The following CALCRL variants were observed in gnomAD, a reference collection of about 807,000 sequenced individuals.
The protein encoded by CALCRL is calcitonin gene-related peptide type 1 receptor.
Under a neutral mutation model 60.4 loss-of-function variants are expected in CALCRL, and 27 were observed. That is an observed-to-expected ratio of 0.45 (90% confidence interval 0.33 to 0.62). The LOEUF is 0.62. CALCRL is among the 20% of genes least tolerant of loss of function. CALCRL has a pLI of 0.03. For synonymous variants in CALCRL, 190 were observed against 182.6 expected, an observed-to-expected ratio of 1.04 and a Z score of -0.33; for missense variants, 424 against 540.7, an observed-to-expected ratio of 0.78 and a Z score of 2.14.
In CALCRL at chr2:187,419,202, C is replaced by G. The variant is rs537130603; in HGVS notation, c.-293+28837G>C. Among the ~76,000 whole-genome samples, 13 of 151,828 alleles carry G rather than the reference C, an allele frequency of 8.6e-5. No individual in the cohort carries two copies. In the South Asian group the frequency reaches 2.7e-3, roughly 32 times the overall value. ...CTATGGACTAAATTGTGTCTGCCCC[C>G]AAATTATATATTTAAGTTCTAACCC... On this transcript the variant is annotated intron_variant, in intron 1 of 14. Coordinates refer to ENST00000392370, the MANE Select transcript of CALCRL (RefSeq NM_005795.6).
intron 1 of CALCRL, among the ~76,000 whole-genome samples, chr2:187,393,180 A>C (rs1179710954): frequency 6.6e-6 from 1 of 151,970 alleles, no homozygotes; most frequent in Non-Finnish European, 1.5e-5. Flanking sequence ...CACCCCCAAA[A>C]CTTGGTGAAA....
intron 8 of CALCRL, among the ~76,000 whole-genome samples, chr2:187,374,945 TC>T (rs1687684385): frequency 6.6e-6 from 1 of 152,114 alleles, no homozygotes; most frequent in African/African-American, 2.4e-5. Context: ...TTGGAATACA[TC>T]CCATGTCTTA....
chr2:187,424,143 A>T (rs533795444), intron 1 of CALCRL, among the ~76,000 whole-genome samples: 2 of 152,060 alleles, frequency 1.3e-5, no homozygotes, highest in East Asian at 3.9e-4. Context: ...CCTAAAAAAA[A>T]TAAGAATGGT....
rs566846647 is a variant in CALCRL, at chr2:187,437,426, C to T, written c.-293+10613G>A. On this transcript the variant is annotated intron_variant, in intron 1 of 14. Transcript: ENST00000392370. ...GCGTGATGGCGGCATATAGTAGAGA[C>T]GGGGTTTCTTTCAAGGCTTTTATTT... is the stretch of plus-strand genomic sequence containing the variant. Among the ~76,000 whole-genome samples, 94 of 152,084 alleles carry T rather than the reference C, an allele frequency of 6.2e-4. No homozygotes were observed. The Middle Eastern group carries it at 0.01, about 17-fold the overall frequency.
intron 8 of CALCRL, 47 bp downstream of exon 8, chr2:187,378,893 A>G (rs3771085): frequency 0.041 from 44,864 of 1,084,482 alleles, 1,919 homozygotes; most frequent in East Asian, 0.18. Flanking sequence ...TGGGGCATTC[A>G]CCCAAGACAT....
In CALCRL at chr2:187,379,050, A is replaced by C; in HGVS notation, c.409-19T>G. On this transcript the variant is annotated intron_variant, in intron 7 of 14. Transcript: ENST00000392370. Reference sequence around the variant, plus strand: ...GTGCAGTCTGTAATTTGTATAAACAAAAAAATTTGGTTCATATCAATACTA... The same window carrying C: ...GTGCAGTCTGTAATTTGTATAAACACAAAAATTTGGTTCATATCAATACTA... 6.7e-7 allele frequency: 1 copy of C among 1,488,940 alleles called. No individual in the cohort carries two copies. The highest frequency in any genetic ancestry group is 9.3e-7 in the Non-Finnish European group (1 of 1,071,526). The allele number at this position is 1,488,940 out of a possible 1,614,324, so 92.2% of individuals were successfully genotyped here.
chr2:187,431,420 G>A (rs1181029883), intron 1 of CALCRL: 1 of 154,730 alleles, frequency 6.5e-6, no homozygotes, highest in Non-Finnish European at 1.5e-5. Flanking sequence ...TGGATGGTGG[G>A]ATTTCTCAGA....
chr2:187,378,840 A>G (rs1000294368), intron 8 of CALCRL, 100 bp downstream of exon 8: 15 of 658,226 alleles, frequency 2.3e-5, no homozygotes, highest in Non-Finnish European at 3.5e-5. Flanking sequence ...TAAATCATCT[A>G]TATTGGTATA....
intron 8 of CALCRL, among the ~76,000 whole-genome samples, chr2:187,369,784 A>C (rs987468480): frequency 6.6e-6 from 1 of 152,224 alleles, no homozygotes; most frequent in Non-Finnish European, 1.5e-5. Context: ...TAAGGGATAC[A>C]AAAAGAATGT....
At chr2:187,427,978 G>C (rs899764615) in intron 1 of CALCRL, among the ~76,000 whole-genome samples, 6 of 151,924 alleles carry the variant, frequency 3.9e-5, no homozygotes, top group African/African-American at 1.5e-4. Context: ...GAAGTCTACT[G>C]TCTGTGTGAG....
At chr2:187,357,049 T>G (rs540110002) in intron 12 of CALCRL, among the ~76,000 whole-genome samples, 7 of 152,248 alleles carry the variant, frequency 4.6e-5, no homozygotes, top group African/African-American at 1.7e-4. Flanking sequence ...TTTTACAATG[T>G]TGGTGGGAGT....
intron 1 of CALCRL, among the ~76,000 whole-genome samples, chr2:187,404,684 A>C (rs1689038992): frequency 6.6e-6 from 1 of 151,640 alleles, no homozygotes. Flanking sequence ...GAGCTGCAAT[A>C]ACAATGGCAA....
intron 1 of CALCRL, among the ~76,000 whole-genome samples, chr2:187,444,999 T>G (rs2105916416): frequency 6.6e-6 from 1 of 151,712 alleles, no homozygotes; most frequent in East Asian, 1.9e-4. Context: ...TGTCTTGAAA[T>G]AATTTGTAAT....
chr2:187,346,710 C>T (rs1287499476), intron 14 of CALCRL, among the ~76,000 whole-genome samples: 1 of 151,664 alleles, frequency 6.6e-6, no homozygotes, highest in East Asian at 1.9e-4. Flanking sequence ...TCTGGACCCC[C>T]ATTTACAAGA....
intron 1 of CALCRL, among the ~76,000 whole-genome samples, chr2:187,411,248 A>G (rs1689343023): frequency 6.8e-6 from 1 of 146,368 alleles, no homozygotes; most frequent in Admixed American, 6.6e-5. Context: ...AGTTGTAATA[A>G]CTTAACATTA....
chr2:187,431,476 T>C (rs1220420047), intron 1 of CALCRL: 1 of 154,744 alleles, frequency 6.5e-6, no homozygotes, highest in Non-Finnish European at 1.5e-5. Flanking sequence ...GTTAAAACCA[T>C]AAACATATAT....
intron 1 of CALCRL, among the ~76,000 whole-genome samples, chr2:187,437,402 C>T (rs1445578531): frequency 1.3e-5 from 2 of 151,920 alleles, no homozygotes; most frequent in East Asian, 1.9e-4. Flanking sequence ...ATTAGCCGGG[C>T]GTGATGGCGG....
At chr2:187,372,154 C>T (rs952181800) in intron 8 of CALCRL, among the ~76,000 whole-genome samples, 5 of 151,710 alleles carry the variant, frequency 3.3e-5, no homozygotes, top group Admixed American at 3.3e-4. Flanking sequence ...AACAAACCAA[C>T]AACATTTTCT....
chr2:187,359,111 A>G lies in CALCRL; in HGVS notation c.861T>C (p.Asp287=). The G allele has an allele frequency of 6.2e-7, 1 of 1,613,212 alleles. No homozygotes were observed. Among genetic ancestry groups the G allele is most frequent in the East Asian group, 2.2e-5 (1 of 44,842 alleles). The change falls in exon 12 of 15, where the codon GAT becomes GAC. Residue 287 remains aspartate, a synonymous_variant. Coordinates refer to ENST00000392370, the MANE Select transcript of CALCRL (RefSeq NM_005795.6). Reference sequence around the variant, plus strand: ...CATGGATAATGTAGAGGAGATGGGTATCAGAACTGATCCAGCAACTAGAGA... The same window carrying G: ...CATGGATAATGTAGAGGAGATGGGTGTCAGAACTGATCCAGCAACTAGAGA... The part of the protein sequence containing the change: ...YYNDNCWISS[D]THLLYIIHGP...
Sources: gnomAD v4.1 joint callset for allele counts (sites outside exome capture counted in the v4.1 genomes callset) on GRCh38, gnomAD v4.1.1 for gene constraint, MANE v1.5 for transcripts, NCBI Gene and HGNC (gene_info 2026-07-23, HGNC 2026-07-21) for gene names.